Variants in CUX1 observed in about 807,000 individuals in gnomAD.
The protein encoded by CUX1 is cut like homeobox 1, also known as protein CASP.
Under a neutral mutation model 158.8 loss-of-function variants are expected in CUX1, and 31 were observed. That is an observed-to-expected ratio of 0.20 (90% confidence interval 0.15 to 0.26). CUX1 has a LOEUF of 0.26. Among genes scored for constraint, CUX1 ranks in the 10% least tolerant of loss-of-function variants. The pLI is 1.00. For synonymous variants in CUX1, 879 were observed against 862.1 expected, an observed-to-expected ratio of 1.02 and a Z score of -0.34; for missense variants, 1,589 against 2,014.6, an observed-to-expected ratio of 0.79 and a Z score of 4.04.
Position 102,003,151 on chromosome 7 carries a change from G to A in CUX1, c.142-24947G>A, listed in dbSNP as rs369600891. ...TGACCTCAGGTGATCTGCCCGCCTC[G>A]GCCTCCCAAAGTGCTGGGATTACAG... On this transcript the variant is annotated intron_variant, in intron 2 of 23. Transcript: ENST00000292535. Among the ~76,000 whole-genome samples the A allele has an allele frequency of 5.8e-3, 882 of 152,024 alleles. 17 individuals are homozygous for A. Among genetic ancestry groups the A allele is most frequent in the African/African-American group, 0.021 (857 of 41,464 alleles).
chr7:101,893,597 CG>C (rs1801142966), intron 1 of CUX1, among the ~76,000 whole-genome samples: 1 of 152,072 alleles, frequency 6.6e-6, no homozygotes, highest in Non-Finnish European at 1.5e-5. Flanking sequence ...AAGACTCTAA[CG>C]TAGAGAAGTG....
chr7:101,966,813 A>C (rs1352494410), intron 2 of CUX1, among the ~76,000 whole-genome samples: 2 of 152,018 alleles, frequency 1.3e-5, no homozygotes, highest in Non-Finnish European at 2.9e-5. Context: ...GATCAGGTGC[A>C]CAGCCTAGGG....
intron 20 of CUX1, among the ~76,000 whole-genome samples, chr7:102,206,545 T>G (rs2132089347): frequency 6.6e-6 from 1 of 152,300 alleles, no homozygotes; most frequent in Middle Eastern, 3.4e-3. Context: ...CGAGAGTATT[T>G]GATTCCATTG....
At chr7:102,120,967 TTGGAAGGTTCGCTTGAGCC>T (rs1554493255) in intron 8 of CUX1, among the ~76,000 whole-genome samples, 1 of 152,064 alleles carries the variant, frequency 6.6e-6, no homozygotes, top group African/African-American at 2.4e-5. Context: ...GGAGGCTGAG[TTGGAAGGTTCGCTTGAGCC>T]TGGAAGTTCC....
Position 102,254,544 on chromosome 7 carries a change from G to A in CUX1, c.*5502G>A. ...CTCCTGGGGCTGGTGGTTGGAGGTGGGTCTGTCCACTGTGGGGGCCAAAGT... is the reference window on the plus strand; with the variant it reads ...CTCCTGGGGCTGGTGGTTGGAGGTGAGTCTGTCCACTGTGGGGGCCAAAGT... On this transcript the variant is annotated 3_prime_UTR_variant, in exon 24 of 24. Coordinates refer to ENST00000292535, the MANE Select transcript of CUX1 (RefSeq NM_181552.4). The A allele has an allele frequency of 1.0e-6, 1 of 985,468 alleles. No individual in the cohort carries two copies. The highest frequency in any genetic ancestry group is 4.7e-5 in the South Asian group (1 of 21,284). The allele number at this position is 985,468 out of a possible 1,614,324, so 61.0% of individuals were successfully genotyped here.
intron 2 of CUX1, among the ~76,000 whole-genome samples, chr7:101,984,113 T>TATATATATATACAC (rs1813912939): frequency 1.4e-5 from 1 of 70,586 alleles, no homozygotes; most frequent in African/African-American, 6.7e-5. Flanking sequence ...TATATATATA[T>TATATATATATACAC]ATATATATAT....
At chr7:102,165,455 C>T (rs1029145400) in intron 9 of CUX1, among the ~76,000 whole-genome samples, 4 of 149,428 alleles carry the variant, frequency 2.7e-5, no homozygotes, top group African/African-American at 4.9e-5. Context: ...CAGATTCAAG[C>T]AATTCTCATG....
chr7:101,877,798 GTGTGTT>G (rs1358407762), intron 1 of CUX1, among the ~76,000 whole-genome samples: 5 of 107,740 alleles, frequency 4.6e-5, no homozygotes, highest in Non-Finnish European at 7.8e-5. Flanking sequence ...GTGTGTGTGT[GTGTGTT>G]TATTAAAGCG....
At chr7:101,829,322 G>T (rs1036261725) in intron 1 of CUX1, among the ~76,000 whole-genome samples, 1 of 152,166 alleles carries the variant, frequency 6.6e-6, no homozygotes, top group African/African-American at 2.4e-5. Context: ...CAAGACAGGA[G>T]CTTTTCTATT....
chr7:102,218,252 T>C (rs1586281730), intron 20 of CUX1, among the ~76,000 whole-genome samples: 4 of 152,226 alleles, frequency 2.6e-5, no homozygotes, highest in Admixed American at 2.6e-4. Flanking sequence ...TGCTCACGGC[T>C]GTACCCCCAC....
In CUX1 at chr7:102,132,805, G is replaced by C. The variant is rs1833464436; in HGVS notation, c.674+17532G>C. On this transcript the variant is annotated intron_variant, in intron 8 of 23. Coordinates refer to ENST00000292535, the MANE Select transcript of CUX1 (RefSeq NM_181552.4). ...TCCTGCCTCAGCTTCCTGAGTAGCT[G>C]GGATTACAGGCACCCGCCACTACAC... Among the ~76,000 whole-genome samples the C allele has an allele frequency of 2.7e-5, 4 of 149,794 alleles. No individual in the cohort carries two copies. In the South Asian group the frequency reaches 8.4e-4, roughly 31 times the overall value.
At chr7:102,261,017 C>A (rs1271845518), downstream of CUX1, among the ~76,000 whole-genome samples, 1 of 152,240 alleles carries the variant, frequency 6.6e-6, no homozygotes, top group African/African-American at 2.4e-5. Flanking sequence ...TGGGAGGGCT[C>A]CACAGAGCTA....
At chr7:101,913,896 C>G (rs1400012592) in intron 1 of CUX1, among the ~76,000 whole-genome samples, 1 of 152,076 alleles carries the variant, frequency 6.6e-6, no homozygotes, top group Admixed American at 6.5e-5. Flanking sequence ...CGCCTTCTTT[C>G]GAAGGCTCCT....
intron 2 of CUX1, among the ~76,000 whole-genome samples, chr7:102,022,079 T>C (rs1297916404): frequency 1.3e-5 from 2 of 151,960 alleles, no homozygotes; most frequent in Non-Finnish European, 2.9e-5. Context: ...TCATGGGAAT[T>C]GGGAGCACGA....
chr7:101,934,746 G>C (rs1806719242), intron 2 of CUX1, among the ~76,000 whole-genome samples: 1 of 152,170 alleles, frequency 6.6e-6, no homozygotes, highest in Admixed American at 6.5e-5. Context: ...TTCCCCCGGG[G>C]ACAGTGCCAT....
chr7:101,952,537 G>A (rs1265812179), intron 2 of CUX1, among the ~76,000 whole-genome samples: 1 of 152,188 alleles, frequency 6.6e-6, no homozygotes, highest in Non-Finnish European at 1.5e-5. Context: ...TTCAGAACAT[G>A]TTGACCTCAT....
At chr7:102,107,897 C>T (rs1554488990) in intron 6 of CUX1, among the ~76,000 whole-genome samples, 1 of 152,216 alleles carries the variant, frequency 6.6e-6, no homozygotes, top group East Asian at 1.9e-4. Context: ...AGGTGGAGGC[C>T]GCATCCATCG....
At chr7:102,090,580 A>G (rs1211147445) in intron 4 of CUX1, among the ~76,000 whole-genome samples, 1 of 151,690 alleles carries the variant, frequency 6.6e-6, no homozygotes, top group Non-Finnish European at 1.5e-5. Flanking sequence ...AGTAGAAACA[A>G]GGTTTCACTG....
At chr7:101,961,370 T>A (rs1205218963) in intron 2 of CUX1, 3 of 152,218 alleles carry the variant, frequency 2.0e-5, no homozygotes, top group Non-Finnish European at 2.9e-5. Context: ...AAACCAGCTA[T>A]AAATATTGGT....
Sources: gnomAD v4.1 joint callset for allele counts (sites outside exome capture counted in the v4.1 genomes callset) on GRCh38, gnomAD v4.1.1 for gene constraint, MANE v1.5 for transcripts, NCBI Gene and HGNC (gene_info 2026-07-23, HGNC 2026-07-21) for gene names.